Variants in ADAM7 observed in about 807,000 individuals in gnomAD.
The protein encoded by ADAM7 is disintegrin and metalloproteinase domain-containing protein 7.
Under a neutral mutation model 102.9 loss-of-function variants are expected in ADAM7, and 97 were observed. The observed-to-expected ratio is 0.94, with a 90% confidence interval of 0.80 to 1.12. The LOEUF (loss-of-function observed/expected upper bound fraction) is 1.12, where lower values mean the gene tolerates loss of function less well. ADAM7 is among the 50% of genes most tolerant of loss of function. The pLI is 0.00. For synonymous variants in ADAM7, 334 were observed against 304.4 expected (o/e 1.10, Z -1.01); for missense variants, 991 against 908.7 (o/e 1.09, Z -1.16).
chr8:24,453,027 G>A (rs1391790185), intron 3 of ADAM7, among the ~76,000 whole-genome samples: 2 of 151,426 alleles, frequency 1.3e-5, no homozygotes, highest in African/African-American at 4.9e-5. Flanking sequence ...TCTGCTGTTA[G>A]TCTGATGGGC....
chr8:24,465,488 A>T (rs1456846802), intron 4 of ADAM7, among the ~76,000 whole-genome samples: 4 of 152,242 alleles, frequency 2.6e-5, no homozygotes, highest in African/African-American at 9.6e-5. Context: ...TTTGCTTTAC[A>T]CAACATAATC....
At position 24,509,082 on chromosome 8, in the gene ADAM7, G is replaced by C; in HGVS notation, c.*536G>C. ...TAAAAGTGAAAGAGGCAGAAGAATA[G>C]TGGACAGAACTGCAGGATAGTCCTT... On this transcript the variant is annotated 3_prime_UTR_variant, in exon 22 of 22. Transcript: ENST00000175238. 1 of 986,304 alleles carries C rather than the reference G, an allele frequency of 1.0e-6. No homozygotes were observed. Among genetic ancestry groups the C allele is most frequent in the Non-Finnish European group, 1.2e-6 (1 of 830,584 alleles). The allele number at this position is 986,304 out of a possible 1,614,324, so 61.1% of individuals were successfully genotyped here.
chr8:24,503,500 A>G (rs1782344366), intron 20 of ADAM7, among the ~76,000 whole-genome samples: 1 of 152,146 alleles, frequency 6.6e-6, no homozygotes, highest in South Asian at 2.1e-4. Context: ...TAGAAATACC[A>G]TTTGACCCAG....
chr8:24,474,952 A>G (rs1819720961), intron 7 of ADAM7, among the ~76,000 whole-genome samples: 1 of 152,224 alleles, frequency 6.6e-6, no homozygotes, highest in East Asian at 1.9e-4. Flanking sequence ...AAATTTGAGC[A>G]TTGCAGTCAG....
Position 24,469,002 on chromosome 8 carries a change from G to T in ADAM7, c.633+182G>T, listed in dbSNP as rs1377774449. 1.7e-4 allele frequency among the ~76,000 whole-genome samples: 26 copies of T among 152,062 alleles called. 1 individual carries two copies. The stretch of plus-strand genomic sequence containing the variant: ...GGGTCCTTTGCCACAATAGCAGACT[G>T]ACCCAAAATAGAACACCCCTCCCCA... On this transcript the variant is annotated intron_variant, in intron 7 of 21. Transcript: ENST00000175238.
intron 16 of ADAM7, among the ~76,000 whole-genome samples, chr8:24,497,948 T>C (rs1446140386): frequency 1.3e-5 from 2 of 152,050 alleles, no homozygotes; most frequent in Non-Finnish European, 2.9e-5. Flanking sequence ...AAACTATATT[T>C]ACAGCCAAGT....
rs929512604 is a variant in ADAM7 at position 24,509,437 on chromosome 8, T to A, written c.*891T>A. The A allele has an allele frequency of 1.4e-5, 14 of 985,320 alleles. No homozygotes were observed. In the African/African-American group the frequency reaches 2.3e-4, roughly 16 times the overall value. The allele number at this position is 985,320 out of a possible 1,614,324, so 61.0% of individuals were successfully genotyped here. A position where few individuals can be genotyped will look rare whatever the true frequency, so the allele number is the denominator to read the frequency against. On this transcript the variant is annotated 3_prime_UTR_variant, in exon 22 of 22. Coordinates refer to ENST00000175238, the MANE Select transcript of ADAM7 (RefSeq NM_003817.4). ...CAAGGTGTTCTTTTGTGTCCTCTAT[T>A]TTCTTCTTGTGAACTGTTAAAGCTA...
intron 8 of ADAM7, 101 bp from the exon 9 acceptor site, chr8:24,482,041 T>C: frequency 1.1e-6 from 1 of 871,982 alleles, no homozygotes; most frequent in East Asian, 2.8e-5. Flanking sequence ...ACCTCACAAG[T>C]TCAAATTATT....
chr8:24,473,639 A>G (rs1170177650), intron 7 of ADAM7, among the ~76,000 whole-genome samples: 2 of 152,306 alleles, frequency 1.3e-5, no homozygotes, highest in South Asian at 2.1e-4. Context: ...TACAGTAACA[A>G]TCTATGACAA....
At chr8:24,501,941 TCA>T (rs1206848145) in intron 20 of ADAM7, among the ~76,000 whole-genome samples, 1 of 152,072 alleles carries the variant, frequency 6.6e-6, no homozygotes, top group Admixed American at 6.6e-5. Flanking sequence ...TCTGTAATCC[TCA>T]CACTTCTGGA....
intron 2 of ADAM7, 84 bp from the exon 3 acceptor site, chr8:24,447,102 G>A (rs1818588309): frequency 3.1e-6 from 2 of 636,396 alleles, no homozygotes; most frequent in East Asian, 3.0e-5. Context: ...TTGGAGATAG[G>A]GAACATTCAC....
intron 7 of ADAM7, among the ~76,000 whole-genome samples, chr8:24,471,949 AT>A (rs1348116088): frequency 5.9e-5 from 9 of 151,908 alleles, no homozygotes; most frequent in African/African-American, 1.9e-4. Flanking sequence ...GACCTAAAAA[AT>A]CTCAAAACTA....
rs912346889 is a variant in ADAM7 at position 24,508,805 on chromosome 8, T to C, written c.*259T>C. The C allele has an allele frequency of 2.4e-6, 3 of 1,249,602 alleles. No homozygotes were observed. Among genetic ancestry groups the C allele is most frequent in the Non-Finnish European group, 3.0e-6 (3 of 996,818 alleles). 77.4% of individuals were successfully genotyped at this position (1,249,602 alleles called of 1,614,324 possible). On this transcript the variant is annotated 3_prime_UTR_variant, in exon 22 of 22. Transcript: ENST00000175238. ...CTTTCAAATGCTCTTTAGCACAATA[T>C]AAAAATTCGTAACCTTGCTGTAGTA...
intron 3 of ADAM7, among the ~76,000 whole-genome samples, chr8:24,452,551 C>A (rs774880157): frequency 1.3e-5 from 2 of 151,292 alleles, no homozygotes; most frequent in South Asian, 4.2e-4. Flanking sequence ...TGTCTCTGCA[C>A]GTGAGATGGG....
Position 24,449,573 on chromosome 8 carries a change from C to T in ADAM7, c.233+2311C>T, listed in dbSNP as rs141465641. Reference sequence around the variant, plus strand: ...AGCCCTTTGTCAGATATGCAGGTTGCGAAAATTTTCTCCCATTTTGTAGGT... The same window carrying T: ...AGCCCTTTGTCAGATATGCAGGTTGTGAAAATTTTCTCCCATTTTGTAGGT... On this transcript the variant is annotated intron_variant, in intron 3 of 21. Transcript: ENST00000175238. Among the ~76,000 whole-genome samples, 455 of 152,188 alleles carry T rather than the reference C, an allele frequency of 3.0e-3. 5 individuals are homozygous for T. Among genetic ancestry groups the T allele is most frequent in the African/African-American group, 0.01 (420 of 41,514 alleles).
rs931415891 is a variant in ADAM7, at chr8:24,493,357, T to C, written c.1842+128T>C. Reference sequence around the variant, plus strand: ...GGAAAAAATATTGACAAGTATTTTTTTAATGAGGAGCAGAGTAGCAATAAC... The same window carrying C: ...GGAAAAAATATTGACAAGTATTTTTCTAATGAGGAGCAGAGTAGCAATAAC... On this transcript the variant is annotated intron_variant, in intron 16 of 21. Transcript: ENST00000175238. 5 of 816,324 alleles carry C rather than the reference T, an allele frequency of 6.1e-6. No individual in the cohort carries two copies. In the Admixed American group the frequency reaches 1.9e-4, roughly 31 times the overall value. 50.6% of individuals were successfully genotyped at this position (816,324 alleles called of 1,614,324 possible).
rs1231052704 is a variant in ADAM7, at chr8:24,490,848, G to A, written c.1316G>A (p.Gly439Glu). Residue 439 changes from glycine (G) to glutamate (E), a missense_variant, in exon 13 of 22, where the codon GGA (glycine) becomes GAA (glutamate). Coordinates refer to ENST00000175238, the MANE Select transcript of ADAM7 (RefSeq NM_003817.4). ...CDAHTCVLKP[G>E]FTCAEGECCE... is the part of the protein sequence containing the mutation. ...GCACACACATGTGTACTGAAGCCAG[G>A]ATTTACTTGTGCAGAAGGAGAATGC... 6 of 1,613,670 alleles carry A rather than the reference G, an allele frequency of 3.7e-6. No individual in the cohort carries two copies. The highest frequency in any genetic ancestry group is 5.1e-6 in the Non-Finnish European group (6 of 1,179,756).
intron 18 of ADAM7, 27 bp downstream of exon 18, chr8:24,500,283 A>C (rs1360476614): frequency 6.3e-7 from 1 of 1,589,102 alleles, no homozygotes; most frequent in Non-Finnish European, 8.6e-7. Context: ...AAAATCTTTC[A>C]TATATCAAAA....
chr8:24,454,655 C>T (rs983748178), intron 3 of ADAM7, among the ~76,000 whole-genome samples: 2 of 152,154 alleles, frequency 1.3e-5, no homozygotes, highest in South Asian at 2.1e-4. Flanking sequence ...CGGTGCGCTG[C>T]ACCCACTGTC....
Sources: gnomAD v4.1 joint callset for allele counts (sites outside exome capture counted in the v4.1 genomes callset) on GRCh38, gnomAD v4.1.1 for gene constraint, MANE v1.5 for transcripts, NCBI Gene and HGNC (gene_info 2026-07-23, HGNC 2026-07-21) for gene names.